Variants in NPLOC4 observed in about 807,000 individuals in gnomAD.
The protein encoded by NPLOC4 is nuclear protein localization protein 4 homolog.
A neutral mutation model predicts 80.6 loss-of-function variants in NPLOC4; 18 were observed. The observed-to-expected ratio is 0.22, with a 90% CI of 0.15 to 0.33. The LOEUF (loss-of-function observed/expected upper bound fraction) is 0.33. NPLOC4 is among the 10% of genes least tolerant of loss of function. NPLOC4 has a pLI of 1.00. For missense variants in NPLOC4, 540 were observed against 786.1 expected (o/e 0.69, Z 3.74); for synonymous variants, 313 against 301.5 (o/e 1.04, Z -0.39).
intron 12 of NPLOC4, among the ~76,000 whole-genome samples, chr17:81,578,996 C>T (rs893348426): frequency 2.6e-5 from 4 of 152,374 alleles, no homozygotes; most frequent in African/African-American, 4.8e-5. Flanking sequence ...TCAAAGCTCA[C>T]TGCAGCCTCG....
chr17:81,597,192 AC>A, intron 10 of NPLOC4, 52 bp downstream of exon 10: 1 of 1,355,736 alleles, frequency 7.4e-7, no homozygotes, highest in African/African-American at 1.4e-5. Flanking sequence ...GCAGGCCAAC[AC>A]CATCTGTAAC....
chr17:81,606,888 G>T, intron 6 of NPLOC4, 74 bp from the exon 7 acceptor site: 1 of 1,405,734 alleles, frequency 7.1e-7, no homozygotes, highest in Non-Finnish European at 9.9e-7. Flanking sequence ...GACATGCTAA[G>T]TATCTTATAC....
At chr17:81,608,894 G>C (rs1359912671) in intron 5 of NPLOC4, 72 bp from the exon 6 acceptor site, 2 of 1,221,882 alleles carry the variant, frequency 1.6e-6, no homozygotes, top group Non-Finnish European at 2.3e-6. Context: ...CCTCTGCTAC[G>C]CACAGGGGGA....
rs2034320636 is a variant in NPLOC4 at position 81,577,058 on chromosome 17, G to A, written c.1282-4970C>T. Among the ~76,000 whole-genome samples the A allele has an allele frequency of 6.6e-6, 1 of 152,164 alleles. No individual in the cohort carries two copies. The highest frequency in any genetic ancestry group is 1.5e-5 in the Non-Finnish European group (1 of 68,022). On this transcript the variant is annotated intron_variant, in intron 12 of 16. Transcript: ENST00000331134. This position sits in a 1 kb window ranked among gnomAD's most constrained non-coding sequence, Gnocchi z 4.3. The stretch of plus-strand genomic sequence containing the variant: ...GGGTCCACCAAGTGCTGTTCACAGT[G>A]CCAGATGCCAACAAACCCCACGGCC...
chr17:81,579,661 C>G (rs1212089005), intron 12 of NPLOC4, among the ~76,000 whole-genome samples: 2 of 152,150 alleles, frequency 1.3e-5, no homozygotes, highest in Non-Finnish European at 2.9e-5. Flanking sequence ...GTCCCTGACA[C>G]ACGGACCATG....
intron 12 of NPLOC4, among the ~76,000 whole-genome samples, chr17:81,579,086 G>T (rs2034372047): frequency 1.3e-5 from 2 of 152,174 alleles, no homozygotes; most frequent in African/African-American, 4.8e-5. Flanking sequence ...TAGACTGCAT[G>T]CATTACTGTT....
chr17:81,558,547 T>C lies in NPLOC4; in HGVS notation c.*712A>G, dbSNP rs2033725882. On this transcript the variant is annotated 3_prime_UTR_variant, in exon 17 of 17. Coordinates refer to ENST00000331134, the MANE Select transcript of NPLOC4 (RefSeq NM_017921.4). ...CTAAAGGAGGGAAGGATGTGGAAAC[T>C]AGTCTCTCTCACTCCCCTTTTGTGC... 6.6e-6 allele frequency: 1 copy of C among 152,154 alleles called. No homozygotes were observed. 9.4% of individuals were successfully genotyped at this position (152,154 alleles called of 1,614,324 possible).
intron 6 of NPLOC4, 34 bp downstream of exon 6, chr17:81,608,694 T>C (rs1282853006): frequency 1.3e-6 from 2 of 1,503,850 alleles, no homozygotes; most frequent in South Asian, 2.4e-5. Context: ...CAAAAAGGAA[T>C]TTACGCACAA....
intron 7 of NPLOC4, among the ~76,000 whole-genome samples, chr17:81,606,234 G>A (rs368860031): frequency 2.6e-5 from 4 of 152,100 alleles, no homozygotes; most frequent in South Asian, 4.1e-4. Flanking sequence ...AGGGCACAGC[G>A]GCAGGAGGAA....
chr17:81,616,661 C>T (rs561860029), intron 3 of NPLOC4, among the ~76,000 whole-genome samples: 34 of 151,038 alleles, frequency 2.3e-4, no homozygotes, highest in Admixed American at 9.3e-4. Flanking sequence ...ACCCAGGGGG[C>T]GGAGCTTGCA....
intron 2 of NPLOC4, among the ~76,000 whole-genome samples, chr17:81,624,605 G>GA (rs1349251324): frequency 8.1e-5 from 12 of 148,554 alleles, no homozygotes; most frequent in African/African-American, 1.7e-4. Flanking sequence ...CTCAAAAAAA[G>GA]AAAAACAAAA....
intron 12 of NPLOC4, among the ~76,000 whole-genome samples, chr17:81,576,820 G>T (rs574059694): frequency 3.9e-4 from 60 of 152,272 alleles, no homozygotes; most frequent in African/African-American, 1.3e-3. Context: ...CAGAGAGCGG[G>T]GTCCTGGGCC....
At chr17:81,628,056 C>T (rs2035841098) in intron 2 of NPLOC4, among the ~76,000 whole-genome samples, 1 of 151,246 alleles carries the variant, frequency 6.6e-6, no homozygotes. Context: ...ACTAAAAATA[C>T]AAAAAATTAG....
chr17:81,610,695 G>C (rs1412139179), intron 4 of NPLOC4, among the ~76,000 whole-genome samples: 19,274 of 95,272 alleles, frequency 0.2, 3,700 homozygotes, highest in Middle Eastern at 0.28. Flanking sequence ...GCTCACGCCT[G>C]TAATCCCAGC....
chr17:81,574,756 G>A (rs1260142291), intron 12 of NPLOC4, among the ~76,000 whole-genome samples: 1 of 152,146 alleles, frequency 6.6e-6, no homozygotes, highest in African/African-American at 2.4e-5. Flanking sequence ...GCTCATGCCT[G>A]TAATCCCAGC....
chr17:81,589,215 G>T, intron 11 of NPLOC4, 111 bp from the exon 12 acceptor site: 2 of 964,630 alleles, frequency 2.1e-6, no homozygotes, highest in Non-Finnish European at 3.0e-6. Context: ...TCAAGAGTTT[G>T]TCGGGGGTAA....
rs76475803 is a variant in NPLOC4, at chr17:81,630,508, G to A, written c.16-703C>T. On this transcript the variant is annotated intron_variant, in intron 1 of 16. Transcript: ENST00000331134. The stretch of plus-strand genomic sequence containing the variant: ...ATTTCCCAGGCTGATCTCGAGCTCC[G>A]GGGCTCAAGTGATCCTGCCACTGTG... Among the ~76,000 whole-genome samples, 78 of 151,998 alleles carry A rather than the reference G, an allele frequency of 5.1e-4. 2 individuals carry two copies. The East Asian group carries it at 0.011, about 21-fold the overall frequency.
chr17:81,596,580 AAAAAAT>A (rs1175415633), intron 10 of NPLOC4, among the ~76,000 whole-genome samples: 1 of 152,218 alleles, frequency 6.6e-6, no homozygotes, highest in Non-Finnish European at 1.5e-5. Flanking sequence ...AAATAAAAAT[AAAAAAT>A]AAGAACCAAA....
intron 1 of NPLOC4, among the ~76,000 whole-genome samples, chr17:81,632,982 T>C (rs1226031298): frequency 6.6e-6 from 1 of 151,906 alleles, no homozygotes; most frequent in Non-Finnish European, 1.5e-5. Flanking sequence ...TACAAAACAT[T>C]AGCCAGGCGT....
Sources: allele counts gnomAD v4.1 joint callset (sites outside exome capture counted in the v4.1 genomes callset), GRCh38; gene constraint gnomAD v4.1.1; non-coding constraint Gnocchi (gnomAD v3.1); transcripts MANE v1.5; gene names NCBI Gene and HGNC (gene_info 2026-07-23, HGNC 2026-07-21).